Variants in XCR1 observed in about 807,000 individuals in gnomAD.
XCR1 encodes the protein chemokine XC receptor 1.
For synonymous variants in XCR1, 187 were observed against 188.5 expected (o/e 0.99, Z 0.06); for missense variants, 356 against 424.2 (o/e 0.84, Z 1.41).
chr3:46,051,564 A>G (rs1697743742), intron 5 of XCR1, among the ~76,000 whole-genome samples: 2 of 152,220 alleles, frequency 1.3e-5, no homozygotes, highest in African/African-American at 4.8e-5. Context: ...AGGTGGGTCT[A>G]TTAGAGGCTA....
intron 1 of XCR1, among the ~76,000 whole-genome samples, chr3:46,082,815 A>C (rs1407968563): frequency 6.6e-6 from 1 of 152,116 alleles, no homozygotes; most frequent in African/African-American, 2.4e-5. Flanking sequence ...GCCGTCCCTG[A>C]TAAATTTGAC....
intron 3 of XCR1, among the ~76,000 whole-genome samples, chr3:46,070,100 G>C (rs1167759087): frequency 1.3e-5 from 2 of 151,922 alleles, no homozygotes; most frequent in African/African-American, 4.8e-5. Context: ...AGTTTCCAGA[G>C]TTCTTGTTAT....
intron 5 of XCR1, among the ~76,000 whole-genome samples, chr3:46,035,494 C>T (rs1366788272): frequency 1.3e-5 from 2 of 152,188 alleles, no homozygotes; most frequent in Non-Finnish European, 2.9e-5. Flanking sequence ...TAACCAGCAA[C>T]GTGTTGCCAC....
At chr3:46,060,804 C>A (rs927288108) in intron 4 of XCR1, among the ~76,000 whole-genome samples, 1 of 152,170 alleles carries the variant, frequency 6.6e-6, no homozygotes, top group East Asian at 1.9e-4. Flanking sequence ...TCCTGGAGGA[C>A]GCTTCCCCAG....
intron 1 of XCR1, among the ~76,000 whole-genome samples, chr3:46,082,040 C>T (rs1026046927): frequency 6.6e-6 from 1 of 152,096 alleles, no homozygotes; most frequent in African/African-American, 2.4e-5. Flanking sequence ...TTGGCCAATC[C>T]CTGTGCCACT....
chr3:46,054,743 T>C (rs1697821656), intron 4 of XCR1, among the ~76,000 whole-genome samples: 1 of 151,628 alleles, frequency 6.6e-6, no homozygotes, highest in Non-Finnish European at 1.5e-5. Flanking sequence ...AAACTAGAGG[T>C]TTATATAGCA....
At chr3:46,062,114 C>T (rs1213660566) in intron 4 of XCR1, among the ~76,000 whole-genome samples, 1 of 152,142 alleles carries the variant, frequency 6.6e-6, no homozygotes, top group African/African-American at 2.4e-5. Context: ...CAGGGCACCT[C>T]TGGGACTTTG....
At chr3:46,038,961 T>A (rs1376970085) in intron 5 of XCR1, among the ~76,000 whole-genome samples, 1 of 152,006 alleles carries the variant, frequency 6.6e-6, no homozygotes, top group Non-Finnish European at 1.5e-5. Context: ...TTAAGTGATA[T>A]TCACTTTGAT....
intron 5 of XCR1, among the ~76,000 whole-genome samples, chr3:46,040,157 A>G (rs1303557328): frequency 6.6e-6 from 1 of 152,194 alleles, no homozygotes; most frequent in Non-Finnish European, 1.5e-5. Flanking sequence ...GAAGGGAGAC[A>G]GGTTTATTGA....
At chr3:46,059,228 C>T (rs1240397038) in intron 4 of XCR1, among the ~76,000 whole-genome samples, 1 of 152,150 alleles carries the variant, frequency 6.6e-6, no homozygotes, top group Non-Finnish European at 1.5e-5. Flanking sequence ...GAAGAATTCC[C>T]TGTGATTAGC....
chr3:46,024,034 G>A, intron 1 of XCR1: 1 of 1,273,486 alleles, frequency 7.9e-7, no homozygotes, highest in Non-Finnish European at 1.1e-6. Context: ...GAAGTTTGCA[G>A]CAAATGCCGG....
chr3:46,041,336 C>T (rs1697533586), intron 5 of XCR1, among the ~76,000 whole-genome samples: 1 of 152,116 alleles, frequency 6.6e-6, no homozygotes, highest in Non-Finnish European at 1.5e-5. Context: ...ATTCTTGTTG[C>T]ACTTTGTGTG....
At chr3:46,074,899 A>T (rs1397741673) in intron 2 of XCR1, among the ~76,000 whole-genome samples, 1 of 152,192 alleles carries the variant, frequency 6.6e-6, no homozygotes. Context: ...CCCACTCTTC[A>T]AAAAGCACAG....
intron 1 of XCR1, chr3:46,023,762 T>C: frequency 6.5e-7 from 1 of 1,548,518 alleles, no homozygotes; most frequent in Non-Finnish European, 8.9e-7. Context: ...GAGCCATGTA[T>C]TGGAAGCAAA....
intron 5 of XCR1, among the ~76,000 whole-genome samples, chr3:46,037,094 T>C (rs928061359): frequency 6.6e-6 from 1 of 152,174 alleles, no homozygotes; most frequent in African/African-American, 2.4e-5. Flanking sequence ...ATTTATAAAA[T>C]GCTAATATCT....
chr3:46,023,565 A>G, intron 1 of XCR1: 1 of 1,491,192 alleles, frequency 6.7e-7, no homozygotes, highest in Non-Finnish European at 9.3e-7. Flanking sequence ...AGCAGAACAC[A>G]GACAAGGATG....
chr3:46,046,405 ATAACCT>A (rs1353005635), intron 5 of XCR1, among the ~76,000 whole-genome samples: 23 of 152,326 alleles, frequency 1.5e-4, no homozygotes, highest in Admixed American at 2.6e-4. Flanking sequence ...GTCCCAGTAG[ATAACCT>A]TAAGGAACTC....
chr3:46,050,716 G>C (rs1697724993), intron 5 of XCR1, among the ~76,000 whole-genome samples: 1 of 152,130 alleles, frequency 6.6e-6, no homozygotes, highest in Admixed American at 6.5e-5. Context: ...TTGATTAACA[G>C]AAGGCACAGA....
chr3:46,056,397 A>G (rs1193512226), intron 4 of XCR1, among the ~76,000 whole-genome samples: 3 of 152,078 alleles, frequency 2.0e-5, no homozygotes, highest in African/African-American at 7.2e-5. Context: ...CCACATACCA[A>G]TCAAGGACTT....
Sources: gnomAD v4.1 joint callset for allele counts (sites outside exome capture counted in the v4.1 genomes callset) on GRCh38, gnomAD v4.1.1 for gene constraint, MANE v1.5 for transcripts, NCBI Gene and HGNC (gene_info 2026-07-23, HGNC 2026-07-21) for gene names.